The following CHIC2 variants were observed in gnomAD, a reference collection of about 807,000 sequenced individuals.
The protein encoded by CHIC2 is cysteine-rich hydrophobic domain-containing protein 2.
Under a neutral mutation model 25.9 loss-of-function variants are expected in CHIC2, and 14 were observed. That is an observed-to-expected ratio of 0.54 (90% CI 0.36 to 0.85). CHIC2 has a LOEUF of 0.85. CHIC2 is among the 40% of genes least tolerant of loss of function. The pLI, the probability that CHIC2 is intolerant of heterozygous loss-of-function variation, is 0.01. For missense variants in CHIC2, 146 were observed against 202.0 expected (o/e 0.72, Z 1.68); for synonymous variants, 70 against 72.0 (o/e 0.97, Z 0.14).
chr4:54,072,800 T>C, the CHIC2 span, among the ~76,000 whole-genome samples: 395 of 152,228 alleles, frequency 2.6e-3, no homozygotes, highest in Middle Eastern at 3.4e-3. Flanking sequence ...CGTCTGGGCG[T>C]GGTGGCTCAT....
Position 54,009,953 on chromosome 4 carries a change from T to TA in CHIC2, c.*141_*142insT. 2.7e-5 allele frequency: 14 copies of TA among 517,280 alleles called. No individual in the cohort carries two copies. The highest frequency in any genetic ancestry group is 2.9e-4 in the Middle Eastern group (1 of 3,482). 32.0% of individuals were successfully genotyped at this position (517,280 alleles called of 1,614,324 possible). On this transcript the variant is annotated 3_prime_UTR_variant, in exon 6 of 6. Coordinates refer to ENST00000263921, the MANE Select transcript of CHIC2 (RefSeq NM_012110.4). The stretch of plus-strand genomic sequence containing the variant: ...ATGCACACTTAGAACATGCGGTTAT[T>TA]TAAAAAAAAAACAAAAACAAAAACA...
At position 54,027,729 on chromosome 4, in the gene CHIC2, T is replaced by C. The variant is rs151027990; in HGVS notation, c.331-13610A>G. Among the ~76,000 whole-genome samples the C allele has an allele frequency of 1.0e-3, 155 of 152,322 alleles. 1 individual carries two copies. Among genetic ancestry groups the C allele is most frequent in the African/African-American group, 3.4e-3 (141 of 41,582 alleles). ...TTCAGAGTTCCTGTCCCATCTTTAC[T>C]GCATGGGACATGCACTCATTACATG... On this transcript the variant is annotated intron_variant, in intron 3 of 5. Coordinates refer to ENST00000263921, the MANE Select transcript of CHIC2 (RefSeq NM_012110.4).
At chr4:54,089,531 G>T in the CHIC2 span, among the ~76,000 whole-genome samples, 4 of 152,090 alleles carry the variant, frequency 2.6e-5, no homozygotes, top group East Asian at 7.7e-4. Context: ...ACAATACCTT[G>T]TTCCAGGGAG....
the CHIC2 span, among the ~76,000 whole-genome samples, chr4:54,070,673 T>G: frequency 6.6e-6 from 1 of 152,126 alleles, no homozygotes; most frequent in African/African-American, 2.4e-5. Flanking sequence ...TCTGCCCAAC[T>G]CGGCCTCCCA....
the CHIC2 span, among the ~76,000 whole-genome samples, chr4:54,074,602 A>G: frequency 8.9e-6 from 1 of 112,724 alleles, no homozygotes; most frequent in East Asian, 2.2e-4. Context: ...ACACAAACAC[A>G]CACACACACA....
intron 3 of CHIC2, among the ~76,000 whole-genome samples, chr4:54,037,700 C>T (rs534187968): frequency 2.0e-5 from 3 of 152,258 alleles, no homozygotes; most frequent in African/African-American, 7.2e-5. Flanking sequence ...ACTGATATCA[C>T]ACCAAGTATA....
upstream of CHIC2, among the ~76,000 whole-genome samples, chr4:54,064,946 C>T (rs1717477584): frequency 2.0e-5 from 3 of 152,316 alleles, no homozygotes; most frequent in South Asian, 6.2e-4. This position sits in a 1 kb window ranked among gnomAD's most constrained non-coding sequence, Gnocchi z 4.2. Flanking sequence ...ATGCAGTTCC[C>T]CAAAGTCATC....
At chr4:54,075,515 A>G in the CHIC2 span, among the ~76,000 whole-genome samples, 1 of 152,174 alleles carries the variant, frequency 6.6e-6, no homozygotes, top group Non-Finnish European at 1.5e-5. Flanking sequence ...AAATAAGGGG[A>G]AAAATCAGGC....
the CHIC2 span, among the ~76,000 whole-genome samples, chr4:54,091,841 G>T: frequency 3.9e-5 from 6 of 152,026 alleles, no homozygotes; most frequent in Non-Finnish European, 7.4e-5. Flanking sequence ...CCCCCACCTC[G>T]CCTTCGCTCT....
the CHIC2 span, among the ~76,000 whole-genome samples, chr4:54,080,972 ATATATATATATAT>A: frequency 1.5e-4 from 21 of 135,844 alleles, no homozygotes; most frequent in African/African-American, 6.0e-4. Context: ...ATATATATAT[ATATATATATATAT>A]AAAATCATCA....
intron 3 of CHIC2, among the ~76,000 whole-genome samples, chr4:54,043,077 A>G (rs982693152): frequency 3.9e-5 from 6 of 152,018 alleles, no homozygotes; most frequent in Non-Finnish European, 8.8e-5. Flanking sequence ...TAGAGAGGCC[A>G]AGGAGGGCAG....
chr4:54,025,923 G>A lies in CHIC2; in HGVS notation c.331-11804C>T, dbSNP rs563960763. Among the ~76,000 whole-genome samples the A allele has an allele frequency of 2.2e-4, 33 of 152,036 alleles. 1 individual carries two copies. In the South Asian group the frequency reaches 6.6e-3, roughly 31 times the overall value. On this transcript the variant is annotated intron_variant, in intron 3 of 5. Transcript: ENST00000263921. ...AAGGGGTAAAAGAAAATCACCTGCT[G>A]ATGGATGATAACACAACTGGAGAAA...
At chr4:54,028,077 A>T (rs1280874222) in intron 3 of CHIC2, among the ~76,000 whole-genome samples, 2 of 152,178 alleles carry the variant, frequency 1.3e-5, no homozygotes, top group Non-Finnish European at 2.9e-5. Context: ...ATACAAACTT[A>T]TTTAAATATT....
chr4:54,048,463 G>C (rs1716903659), intron 3 of CHIC2, among the ~76,000 whole-genome samples: 1 of 151,772 alleles, frequency 6.6e-6, no homozygotes, highest in Non-Finnish European at 1.5e-5. Flanking sequence ...TTCTTGTATG[G>C]GTACCATCTT....
chr4:54,042,290 C>T (rs1369270876), intron 3 of CHIC2, among the ~76,000 whole-genome samples: 1 of 152,094 alleles, frequency 6.6e-6, no homozygotes, highest in East Asian at 1.9e-4. Context: ...TAAGACTGAA[C>T]ACTACAATGC....
At chr4:54,081,475 T>A in the CHIC2 span, among the ~76,000 whole-genome samples, 1 of 152,210 alleles carries the variant, frequency 6.6e-6, no homozygotes, top group South Asian at 2.1e-4. Flanking sequence ...ATACTTCAAT[T>A]TGATGTAGTC....
At chr4:54,011,118 T>C (rs576300906) in intron 5 of CHIC2, among the ~76,000 whole-genome samples, 33 of 152,282 alleles carry the variant, frequency 2.2e-4, no homozygotes, top group African/African-American at 7.9e-4. Flanking sequence ...CTAAGTCTAG[T>C]GAACTCATCA....
chr4:54,047,750 GTAAC>G (rs1435188050), intron 3 of CHIC2, among the ~76,000 whole-genome samples: 1 of 151,726 alleles, frequency 6.6e-6, no homozygotes, highest in African/African-American at 2.4e-5. Flanking sequence ...GTATACATAT[GTAAC>G]TAACCTGCAC....
At chr4:54,044,665 T>C (rs889416713) in intron 3 of CHIC2, among the ~76,000 whole-genome samples, 5 of 152,082 alleles carry the variant, frequency 3.3e-5, no homozygotes, top group Admixed American at 2.6e-4. Flanking sequence ...GAGGGAAATT[T>C]ATAGCACTAA....
Sources: gnomAD v4.1 joint callset for allele counts (sites outside exome capture counted in the v4.1 genomes callset) on GRCh38, gnomAD v4.1.1 for gene constraint, Gnocchi (gnomAD v3.1) non-coding constraint, MANE v1.5 for transcripts, NCBI Gene and HGNC (gene_info 2026-07-23, HGNC 2026-07-21) for gene names.